Variants in OR56A3 observed in about 807,000 individuals in gnomAD.
OR56A3 encodes the protein olfactory receptor 56A3.
OR56A3 carries 23 observed loss-of-function variants against 17.5 expected under a neutral mutation model. The ratio of observed to expected loss-of-function variants is 1.32; its 90% CI spans 0.95 to 1.87. OR56A3 has a LOEUF of 1.87. Among genes scored for constraint, OR56A3 ranks in the 40% most tolerant of loss-of-function variants. OR56A3 has a pLI of 0.00. For missense variants in OR56A3, 366 were observed against 380.1 expected, an observed-to-expected ratio of 0.96 and a Z score of 0.31; for synonymous variants, 175 against 150.6, an observed-to-expected ratio of 1.16 and a Z score of -1.19.
chr11:6,012,260 A>G, the OR56A3 span, among the ~76,000 whole-genome samples: 1 of 152,248 alleles, frequency 6.6e-6, no homozygotes, highest in African/African-American at 2.4e-5. Context: ...GAAGACCTGA[A>G]GTGGGCAGTT....
the OR56A3 span, among the ~76,000 whole-genome samples, chr11:5,956,528 ACAAAG>A: frequency 3.3e-5 from 5 of 152,186 alleles, no homozygotes. Flanking sequence ...CAACTATAAA[ACAAAG>A]TATTATTTCT....
chr11:5,962,154 T>C, the OR56A3 span, among the ~76,000 whole-genome samples: 1 of 152,278 alleles, frequency 6.6e-6, no homozygotes, highest in African/African-American at 2.4e-5. Context: ...TTCGATGATT[T>C]TTGTTTTTCA....
the OR56A3 span, among the ~76,000 whole-genome samples, chr11:5,968,794 A>T: frequency 6.6e-6 from 1 of 152,216 alleles, no homozygotes; most frequent in Non-Finnish European, 1.5e-5. Context: ...ATACAAAAAA[A>T]ATTCCAAATT....
At chr11:5,994,223 G>T in the OR56A3 span, 1 of 539,204 alleles carries the variant, frequency 1.9e-6, no homozygotes, top group South Asian at 1.6e-5. Flanking sequence ...CTGGCCTTCA[G>T]ATTTCTCATC....
At chr11:5,962,531 C>CTTTTT in the OR56A3 span, among the ~76,000 whole-genome samples, 2 of 128,410 alleles carry the variant, frequency 1.6e-5, no homozygotes, top group Non-Finnish European at 3.3e-5. Flanking sequence ...CTGGGCTTTT[C>CTTTTT]TTTTTTTTTT....
At chr11:6,018,857 A>T in the OR56A3 span, among the ~76,000 whole-genome samples, 3 of 152,102 alleles carry the variant, frequency 2.0e-5, no homozygotes, top group Non-Finnish European at 4.4e-5. Flanking sequence ...TACAACTGAT[A>T]CCATAGAAAT....
chr11:5,986,777 G>T, the OR56A3 span: 113 of 1,613,928 alleles, frequency 7.0e-5, no homozygotes, highest in Non-Finnish European at 8.6e-5. Context: ...AGGAGGTAAA[G>T]GATGCCCAGG....
the OR56A3 span, among the ~76,000 whole-genome samples, chr11:5,987,348 C>T: frequency 3.3e-5 from 5 of 152,190 alleles, no homozygotes; most frequent in Non-Finnish European, 5.9e-5. Context: ...ACCATTTTCT[C>T]TATCTCATTA....
chr11:5,996,249 T>G, the OR56A3 span, among the ~76,000 whole-genome samples: 1 of 152,190 alleles, frequency 6.6e-6, no homozygotes, highest in Non-Finnish European at 1.5e-5. Flanking sequence ...TGTGTATATA[T>G]TACATGTACC....
Position 5,947,671 on chromosome 11 carries a change from A to T in OR56A3, c.325A>T (p.Asn109Tyr). ...CTGCTTCCTCCAGATGTACATCATG[A>T]ATTGTTTCCTAGCCATGGAGTCTTG... Reference protein sequence around the residue: ...PACFLQMYIMNCFLAMESCTF... With the variant: ...PACFLQMYIMYCFLAMESCTF... The change falls in exon 3 of 3, where the codon AAT becomes TAT. Residue 109 changes from asparagine (N) to tyrosine (Y), a missense_variant. Transcript: ENST00000641160. 6.2e-7 allele frequency: 1 copy of T among 1,614,088 alleles called. No individual in the cohort carries two copies. The highest frequency in any genetic ancestry group is 1.7e-5 in the Admixed American group (1 of 60,016).
the OR56A3 span, chr11:6,003,088 G>A: frequency 6.2e-7 from 1 of 1,608,106 alleles, no homozygotes; most frequent in Non-Finnish European, 8.5e-7. Context: ...GTAGTAGAGT[G>A]TGGGTTTCCA....
At position 5,948,078 on chromosome 11, in the gene OR56A3, A is replaced by T; in HGVS notation, c.732A>T (p.Thr244=). 6.2e-7 allele frequency: 1 copy of T among 1,614,224 alleles called. No individual in the cohort carries two copies. Among genetic ancestry groups the T allele is most frequent in the Non-Finnish European group, 8.5e-7 (1 of 1,180,038 alleles). Residue 244 remains threonine (T), a synonymous_variant, in exon 3 of 3, where the codon ACA becomes ACT. Transcript: ENST00000641160. Reference sequence around the variant, plus strand: ...GTGCCGTGGCAAAGGCCCTAAGCACATGTGGCTCCCACTTCATGCTCATCC... The same window carrying T: ...GTGCCGTGGCAAAGGCCCTAAGCACTTGTGGCTCCCACTTCATGCTCATCC... The part of the protein sequence containing the change: ...AEGAVAKALS[T]CGSHFMLILF...
At chr11:5,974,532 A>T in the OR56A3 span, among the ~76,000 whole-genome samples, 2 of 152,242 alleles carry the variant, frequency 1.3e-5, no homozygotes, top group East Asian at 3.8e-4. Flanking sequence ...AGATGCTAGG[A>T]TTCGGTTATT....
the OR56A3 span, among the ~76,000 whole-genome samples, chr11:5,965,382 A>T: frequency 6.6e-6 from 1 of 152,236 alleles, no homozygotes; most frequent in Non-Finnish European, 1.5e-5. Flanking sequence ...AAAGTAACAC[A>T]TCTTACCCGT....
In OR56A3 at chr11:5,948,103, C is replaced by CTCT; in HGVS notation, c.763_765dup (p.Phe255dup). The CTCT allele has an allele frequency of 1.9e-6, 3 of 1,614,242 alleles. No homozygotes were observed. The highest frequency in any genetic ancestry group is 2.5e-6 in the Non-Finnish European group (3 of 1,180,046). ...ATGTGGCTCCCACTTCATGCTCATC[C>CTCT]TCTTCTTCAGCACCATCCTTCTGGT... On this transcript the variant is annotated inframe_insertion, in exon 3 of 3. Coordinates refer to ENST00000641160, the MANE Select transcript of OR56A3 (RefSeq NM_001003443.3).
the OR56A3 span, among the ~76,000 whole-genome samples, chr11:5,961,439 T>C: frequency 3.3e-5 from 5 of 152,238 alleles, no homozygotes; most frequent in Non-Finnish European, 1.5e-5. Flanking sequence ...TGTTGATCTA[T>C]GACCTTACCC....
Position 5,948,518 on chromosome 11 carries a change from T to C in OR56A3, c.*224T>C. On this transcript the variant is annotated 3_prime_UTR_variant, in exon 3 of 3. Transcript: ENST00000641160. ...CTCTCGTTTTATTCCATGCTTATAA[T>C]CATATTTTGTCCAAAACACTGACAT... is the stretch of plus-strand genomic sequence containing the variant. 1 of 499,068 alleles carries C rather than the reference T, an allele frequency of 2.0e-6. No homozygotes were observed. The highest frequency in any genetic ancestry group is 3.5e-6 in the Non-Finnish European group (1 of 283,222). The allele number at this position is 499,068 out of a possible 1,614,324, so 30.9% of individuals were successfully genotyped here.
chr11:5,954,515 A>G (rs559377263), downstream of OR56A3, among the ~76,000 whole-genome samples: 41 of 152,334 alleles, frequency 2.7e-4, no homozygotes, highest in Non-Finnish European at 4.6e-4. Context: ...ATAATTTAGT[A>G]ATATTTGTTC....
the OR56A3 span, among the ~76,000 whole-genome samples, chr11:5,983,437 G>T: frequency 6.6e-6 from 1 of 150,746 alleles, no homozygotes. Context: ...ATTCTGTATT[G>T]GTAAGAGACT....
Sources: gnomAD v4.1 joint callset for allele counts (sites outside exome capture counted in the v4.1 genomes callset) on GRCh38, gnomAD v4.1.1 for gene constraint, MANE v1.5 for transcripts, NCBI Gene and HGNC (gene_info 2026-07-23, HGNC 2026-07-21) for gene names.